Variants in TAFA1 observed in about 807,000 individuals in gnomAD.
The protein encoded by TAFA1 is TAFA chemokine like family member 1.
TAFA1 carries 4 observed loss-of-function variants against 18.5 expected under a neutral mutation model. The observed-to-expected ratio is 0.22, with a 90% CI of 0.11 to 0.49. The LOEUF is 0.49. Among genes scored for constraint, TAFA1 ranks in the 20% least tolerant of loss-of-function variants. The pLI, the probability that TAFA1 is intolerant of heterozygous loss-of-function variation, is 0.98. For missense variants in TAFA1, 147 were observed against 169.0 expected, an observed-to-expected ratio of 0.87 and a Z score of 0.72; for synonymous variants, 56 against 55.2, an observed-to-expected ratio of 1.01 and a Z score of -0.06.
chr3:68,440,533 C>T (rs142610129), intron 3 of TAFA1, among the ~76,000 whole-genome samples: 17 of 152,254 alleles, frequency 1.1e-4, no homozygotes, highest in Admixed American at 9.8e-4. Context: ...CAACTGGTCA[C>T]GTGGTCATAG....
At chr3:68,225,505 G>GTCATGTCTCCTC (rs1328778386) in intron 2 of TAFA1, among the ~76,000 whole-genome samples, 1 of 152,126 alleles carries the variant, frequency 6.6e-6, no homozygotes, top group Non-Finnish European at 1.5e-5. Flanking sequence ...CCTTGGAGAG[G>GTCATGTCTCCTC]TCATGTCTCC....
chr3:68,096,198 G>C (rs1233499314), intron 2 of TAFA1, among the ~76,000 whole-genome samples: 1 of 151,880 alleles, frequency 6.6e-6, no homozygotes, highest in African/African-American at 2.4e-5. Context: ...TTCTGTGCCT[G>C]GCTTGTTTTA....
intron 2 of TAFA1, among the ~76,000 whole-genome samples, chr3:68,008,879 C>G (rs768537085): frequency 2.4e-4 from 36 of 152,120 alleles, no homozygotes; most frequent in Non-Finnish European, 2.8e-4. Context: ...CCTTGGGCAA[C>G]TGACTTTTCT....
At chr3:68,530,264 C>G (rs1428541097) in intron 3 of TAFA1, among the ~76,000 whole-genome samples, 1 of 152,106 alleles carries the variant, frequency 6.6e-6, no homozygotes, top group Non-Finnish European at 1.5e-5. Flanking sequence ...TGCTATAGTT[C>G]CATGGCAAAA....
chr3:68,476,736 A>G (rs2072104317), intron 3 of TAFA1, among the ~76,000 whole-genome samples: 1 of 152,138 alleles, frequency 6.6e-6, no homozygotes. Context: ...ATTTGTTACC[A>G]GGATCCAAGA....
intron 3 of TAFA1, among the ~76,000 whole-genome samples, chr3:68,441,316 G>T (rs1277305125): frequency 6.6e-6 from 1 of 152,122 alleles, no homozygotes; most frequent in African/African-American, 2.4e-5. Context: ...GGTGCTTGAG[G>T]TGTCAGTGGC....
chr3:68,343,652 G>A (rs574764742), intron 2 of TAFA1, among the ~76,000 whole-genome samples: 2 of 152,258 alleles, frequency 1.3e-5, no homozygotes, highest in African/African-American at 2.4e-5. Context: ...ACTAGTTCAA[G>A]GCAGTTCAGG....
chr3:68,100,643 C>T (rs2065136761), intron 2 of TAFA1, among the ~76,000 whole-genome samples: 1 of 152,198 alleles, frequency 6.6e-6, no homozygotes, highest in South Asian at 2.1e-4. Flanking sequence ...TTCCAGCTAT[C>T]TATTGACCCA....
At position 68,538,743 on chromosome 3, in the gene TAFA1, T is replaced by C; in HGVS notation, c.260-13T>C. 1 of 1,612,800 alleles carries C rather than the reference T, an allele frequency of 6.2e-7. No individual in the cohort carries two copies. Among genetic ancestry groups the C allele is most frequent in the Non-Finnish European group, 8.5e-7 (1 of 1,179,346 alleles). Reference sequence around the variant, plus strand: ...ATGAATTGCAAACACAGTTGTTTCCTGTTTCTGCACAGCCTCCATAGTGAT... The same window carrying C: ...ATGAATTGCAAACACAGTTGTTTCCCGTTTCTGCACAGCCTCCATAGTGAT... On this transcript the variant is annotated splice_polypyrimidine_tract_variant and intron_variant, in intron 3 of 4. Coordinates refer to ENST00000478136, the MANE Select transcript of TAFA1 (RefSeq NM_213609.4).
chr3:68,465,491 A>G (rs755849774), intron 3 of TAFA1, among the ~76,000 whole-genome samples: 1 of 152,226 alleles, frequency 6.6e-6, no homozygotes, highest in Non-Finnish European at 1.5e-5. Flanking sequence ...GGTCCTGTCC[A>G]GTTCTTCATA....
intron 2 of TAFA1, among the ~76,000 whole-genome samples, chr3:68,118,730 T>G (rs1406599326): frequency 2.0e-5 from 3 of 152,244 alleles, no homozygotes; most frequent in Non-Finnish European, 4.4e-5. Context: ...GGCTGAATGA[T>G]ACACCATTGT....
intron 3 of TAFA1, among the ~76,000 whole-genome samples, chr3:68,528,805 A>T (rs1195890932): frequency 6.6e-6 from 1 of 152,206 alleles, no homozygotes; most frequent in Non-Finnish European, 1.5e-5. Context: ...AGTTTGGCAT[A>T]TCGAAGAATA....
intron 2 of TAFA1, among the ~76,000 whole-genome samples, chr3:68,372,385 A>G (rs1396033000): frequency 6.6e-6 from 1 of 152,172 alleles, no homozygotes; most frequent in Admixed American, 6.6e-5. Context: ...ACTGTTGTGG[A>G]CGTGGATCCA....
intron 2 of TAFA1, among the ~76,000 whole-genome samples, chr3:68,231,951 T>C (rs1204327598): frequency 1.3e-5 from 2 of 152,178 alleles, no homozygotes. Flanking sequence ...CCCTTAATAA[T>C]TGTGCATATT....
chr3:68,374,509 G>T (rs952855279), intron 2 of TAFA1, among the ~76,000 whole-genome samples: 2 of 152,180 alleles, frequency 1.3e-5, no homozygotes, highest in South Asian at 4.1e-4. Flanking sequence ...TTTAAAGTGA[G>T]AGTTCACTGA....
rs1249376504 is a variant in TAFA1, at chr3:68,538,857, G to A, written c.361G>A (p.Gly121Ser). 6.2e-7 allele frequency: 1 copy of A among 1,613,494 alleles called. No individual in the cohort carries two copies. Among genetic ancestry groups the A allele is most frequent in the Admixed American group, 1.7e-5 (1 of 59,908 alleles). Reference sequence around the variant, plus strand: ...CAATTCTGGATGGATGTGCGCAACAGGCAACAAAATTAAGACCACGAGAGT... The same window carrying A: ...CAATTCTGGATGGATGTGCGCAACAAGCAACAAAATTAAGACCACGAGAGT... Reference protein sequence around the residue: ...PDNSGWMCATGNKIKTTRIHP... With the variant: ...PDNSGWMCATSNKIKTTRIHP... Residue 121 changes from glycine to serine, a missense_variant, in exon 4 of 5, where the codon GGC (glycine) becomes AGC (serine). Gly to Ser is a moderately conservative substitution (Grantham distance 56, BLOSUM62 0). Transcript: ENST00000478136.
intron 2 of TAFA1, among the ~76,000 whole-genome samples, chr3:68,082,823 T>C (rs1465138106): frequency 1.3e-5 from 2 of 152,204 alleles, no homozygotes; most frequent in Non-Finnish European, 2.9e-5. Context: ...TCTAAAAATG[T>C]AAGACTAAAT....
intron 2 of TAFA1, among the ~76,000 whole-genome samples, chr3:68,416,248 C>G (rs1355318098): frequency 6.6e-6 from 1 of 152,166 alleles, no homozygotes; most frequent in Non-Finnish European, 1.5e-5. Context: ...TCCTTTCTCC[C>G]TCCTTTTCTT....
intron 2 of TAFA1, among the ~76,000 whole-genome samples, chr3:68,395,684 T>C (rs1484010019): frequency 6.6e-6 from 1 of 152,148 alleles, no homozygotes. Flanking sequence ...GAAACCATCA[T>C]TCTCAGCAAA....
Sources: gnomAD v4.1 joint callset for allele counts (sites outside exome capture counted in the v4.1 genomes callset) on GRCh38, gnomAD v4.1.1 for gene constraint, MANE v1.5 for transcripts, NCBI Gene and HGNC (gene_info 2026-07-23, HGNC 2026-07-21) for gene names.